The following PCDHA7 variants were observed in gnomAD, a reference collection of about 807,000 sequenced individuals.
PCDHA7 encodes the protein protocadherin alpha 7, also known as protocadherin alpha-7.
PCDHA7 carries 37 observed loss-of-function variants against 57.2 expected under a neutral mutation model. The observed-to-expected ratio is 0.65, with a 90% CI of 0.50 to 0.85. PCDHA7 has a LOEUF of 0.85. Among genes scored for constraint, PCDHA7 ranks in the 40% least tolerant of loss-of-function variants. The pLI is 0.00. For synonymous variants in PCDHA7, 553 were observed against 558.8 expected, an observed-to-expected ratio of 0.99 and a Z score of 0.15; for missense variants, 1,188 against 1,241.8, an observed-to-expected ratio of 0.96 and a Z score of 0.65.
intron 3 of PCDHA7, among the ~76,000 whole-genome samples, chr5:141,005,934 G>A (rs556608068): frequency 3.4e-4 from 52 of 151,912 alleles, no homozygotes; most frequent in Non-Finnish European, 7.2e-4. Context: ...TTGACAGAGT[G>A]AGAACCTATC....
At chr5:140,842,169 G>A (rs2150330880) in intron 1 of PCDHA7, 3 of 1,613,820 alleles carry the variant, frequency 1.9e-6, no homozygotes, top group South Asian at 1.1e-5. Context: ...TCTTTTAATA[G>A]CCTTGTTGAA....
chr5:140,879,872 T>C (rs944464993), intron 1 of PCDHA7, among the ~76,000 whole-genome samples: 1 of 152,208 alleles, frequency 6.6e-6, no homozygotes, highest in African/African-American at 2.4e-5. Context: ...GCTTTCATGG[T>C]CACATTGCCT....
intron 1 of PCDHA7, among the ~76,000 whole-genome samples, chr5:140,846,468 G>A (rs1461783374): frequency 7.0e-6 from 1 of 142,284 alleles, no homozygotes; most frequent in East Asian, 2.1e-4. Flanking sequence ...TCTGCCTCCC[G>A]GGTTCAAATG....
At chr5:140,838,902 A>G (rs1775938113) in intron 1 of PCDHA7, among the ~76,000 whole-genome samples, 1 of 152,028 alleles carries the variant, frequency 6.6e-6, no homozygotes, top group Non-Finnish European at 1.5e-5. Context: ...GTGACAGAGC[A>G]ATACCTTGCC....
intron 1 of PCDHA7, among the ~76,000 whole-genome samples, chr5:140,914,693 G>C (rs1554196535): frequency 7.9e-5 from 12 of 151,662 alleles, no homozygotes; most frequent in Non-Finnish European, 1.8e-4. Flanking sequence ...TTCTCTGGTG[G>C]TATGATTTAA....
At chr5:140,867,257 T>C (rs1396352368) in intron 1 of PCDHA7, 1 of 152,138 alleles carries the variant, frequency 6.6e-6, no homozygotes, top group Non-Finnish European at 1.5e-5. Flanking sequence ...TGTTGTTTCC[T>C]TTTGTTCAAA....
chr5:140,921,824 A>G (rs1554200461), intron 1 of PCDHA7, among the ~76,000 whole-genome samples: 1 of 152,172 alleles, frequency 6.6e-6, no homozygotes. Flanking sequence ...GTGAATATCT[A>G]TACACATATA....
chr5:140,894,852 T>C (rs1366360589), intron 1 of PCDHA7, among the ~76,000 whole-genome samples: 2 of 152,200 alleles, frequency 1.3e-5, no homozygotes, highest in African/African-American at 2.4e-5. Flanking sequence ...CATTTTTATA[T>C]GAAAAGTGCT....
chr5:140,968,476 G>A (rs1295691287), intron 1 of PCDHA7: 1 of 1,613,974 alleles, frequency 6.2e-7, no homozygotes, highest in East Asian at 2.2e-5. Flanking sequence ...TATATGTGGT[G>A]GACATGAATG....
chr5:140,834,441 A>T lies in PCDHA7; in HGVS notation c.58A>T (p.Ile20Phe). Reference sequence around the variant, plus strand: ...CCGACATCTACTGCTGTTTATTATAATTCTAGCAGCTTGGGAGGCAGGGAG... The same window carrying T: ...CCGACATCTACTGCTGTTTATTATATTTCTAGCAGCTTGGGAGGCAGGGAG... ...GGRHLLLFII[I>F]LAAWEAGRGQ... Residue 20 changes from isoleucine to phenylalanine, a missense_variant, in exon 1 of 4, where the codon ATT becomes TTT. Physicochemically the swap from Ile to Phe is conservative, Grantham distance 21. Around this residue, in one of 3 missense-constraint regions of PCDHA7, gnomAD observed 194 missense variants for 185.8 expected, o/e 1.04. Transcript: ENST00000525929. 6.2e-7 allele frequency: 1 copy of T among 1,613,992 alleles called. No homozygotes were observed. Among genetic ancestry groups the T allele is most frequent in the Non-Finnish European group, 8.5e-7 (1 of 1,179,940 alleles).
chr5:140,969,286 T>C (rs2096315830), intron 1 of PCDHA7: 3 of 1,614,076 alleles, frequency 1.9e-6, no homozygotes, highest in Admixed American at 1.7e-5. Flanking sequence ...GTCAGAATGC[T>C]GGGAACCTGA....
chr5:140,972,766 T>G (rs2096555102), intron 1 of PCDHA7, among the ~76,000 whole-genome samples: 1 of 149,250 alleles, frequency 6.7e-6, no homozygotes, highest in African/African-American at 2.5e-5. Flanking sequence ...CAAGTTAAAG[T>G]GATTCTTCTG....
At chr5:140,863,211 C>G in intron 1 of PCDHA7, 5 of 1,030,298 alleles carry the variant, frequency 4.9e-6, no homozygotes, top group Non-Finnish European at 7.2e-6. Context: ...CGGAGAGCAG[C>G]CAAGCGAGGA....
At chr5:140,884,022 T>G (rs2059946002) in intron 1 of PCDHA7, 1 of 1,613,028 alleles carries the variant, frequency 6.2e-7, no homozygotes, top group Non-Finnish European at 8.5e-7. Context: ...CCGCGGTCGG[T>G]GGGTGCAGGC....
intron 1 of PCDHA7, chr5:140,929,584 A>T: frequency 2.3e-6 from 1 of 433,584 alleles, no homozygotes; most frequent in Non-Finnish European, 4.1e-6. Context: ...GTAATATGAC[A>T]TAAAGGTCTA....
At chr5:140,977,351 AT>A (rs2096757742) in intron 1 of PCDHA7, among the ~76,000 whole-genome samples, 1 of 152,348 alleles carries the variant, frequency 6.6e-6, no homozygotes, top group Non-Finnish European at 1.5e-5. Context: ...ATGATGACTG[AT>A]TGATAAAAAG....
rs2150345601 is a variant in PCDHA7 at position 140,842,829 on chromosome 5, C to G, written c.2355+6091C>G. Reference sequence around the variant, plus strand: ...GTGGAGCGGCGGGTGGGCGAGCGCTCGCTGTCGAGCTACATTTCGGTGCAC... The same window carrying G: ...GTGGAGCGGCGGGTGGGCGAGCGCTGGCTGTCGAGCTACATTTCGGTGCAC... On this transcript the variant is annotated intron_variant, in intron 1 of 3. Coordinates refer to ENST00000525929, the MANE Select transcript of PCDHA7 (RefSeq NM_018910.3). The G allele has an allele frequency of 8.8e-6, 14 of 1,593,636 alleles. 2 individuals are homozygous for G. The highest frequency in any genetic ancestry group is 1.1e-5 in the South Asian group (1 of 90,422).
At chr5:140,931,970 G>A (rs2087909153) in intron 1 of PCDHA7, among the ~76,000 whole-genome samples, 1 of 151,866 alleles carries the variant, frequency 6.6e-6, no homozygotes, top group Non-Finnish European at 1.5e-5. Flanking sequence ...TGATGCATAT[G>A]TGTTTATATT....
At chr5:140,967,453 C>T in intron 1 of PCDHA7, 1 of 1,613,556 alleles carries the variant, frequency 6.2e-7, no homozygotes, top group South Asian at 1.1e-5. Context: ...TTCTCACAGC[C>T]GTGGATGGGG....
Sources: gnomAD v4.1 joint callset for allele counts (sites outside exome capture counted in the v4.1 genomes callset) on GRCh38, gnomAD v4.1.1 for gene constraint, gnomAD v4.1.1 regional missense constraint, MANE v1.5 for transcripts, NCBI Gene and HGNC (gene_info 2026-07-23, HGNC 2026-07-21) for gene names.